GRM5: variants seen among roughly 807,000 people sequenced by gnomAD.
GRM5 encodes the protein glutamate metabotropic receptor 5.
A neutral mutation model predicts 83.1 loss-of-function variants in GRM5; 19 were observed. That is an observed-to-expected ratio of 0.23 (90% CI 0.16 to 0.34). The LOEUF is 0.34. Among genes scored for constraint, GRM5 ranks in the 10% least tolerant of loss-of-function variants. GRM5 has a pLI of 1.00. For synonymous variants in GRM5, 675 were observed against 633.6 expected, an observed-to-expected ratio of 1.07 and a Z score of -0.98; for missense variants, 1,160 against 1,588.3, an observed-to-expected ratio of 0.73 and a Z score of 4.58.
At chr11:88,955,584 T>A (rs533145837) in intron 2 of GRM5, among the ~76,000 whole-genome samples, 6 of 152,336 alleles carry the variant, frequency 3.9e-5, no homozygotes, top group Non-Finnish European at 8.8e-5. Flanking sequence ...ATGCTTTTTT[T>A]CTATCTAATT....
intron 3 of GRM5, among the ~76,000 whole-genome samples, chr11:88,698,091 T>A (rs1940943129): frequency 6.6e-6 from 1 of 152,214 alleles, no homozygotes; most frequent in Admixed American, 6.5e-5. Flanking sequence ...AGACTCGTCC[T>A]CTGCCAATCC....
At chr11:88,935,614 G>T (rs1362457100) in intron 2 of GRM5, among the ~76,000 whole-genome samples, 2 of 151,770 alleles carry the variant, frequency 1.3e-5, no homozygotes. Context: ...ATGGTCAAAA[G>T]TCCCTCACTA....
intron 3 of GRM5, among the ~76,000 whole-genome samples, chr11:88,756,245 G>C (rs1942391253): frequency 6.6e-6 from 1 of 152,138 alleles, no homozygotes; most frequent in Non-Finnish European, 1.5e-5. Context: ...ATAAATGGAA[G>C]AGATCATATA....
At chr11:88,721,533 G>GTGAC (rs1941540026) in intron 3 of GRM5, among the ~76,000 whole-genome samples, 1 of 152,074 alleles carries the variant, frequency 6.6e-6, no homozygotes, top group African/African-American at 2.4e-5. Context: ...TCTTTCATAA[G>GTGAC]TGACTTTAAT....
rs146266027 is a variant in GRM5, at chr11:88,782,039, A to C, written c.911+67867T>G. On this transcript the variant is annotated intron_variant, in intron 3 of 9. Coordinates refer to ENST00000305447, the MANE Select transcript of GRM5 (RefSeq NM_001143831.3). ...TGTGATTCATAAAATTATAATTTTT[A>C]TTATAATTTGGATTCTCTACAGACT... Among the ~76,000 whole-genome samples, 868 of 152,174 alleles carry C rather than the reference A, an allele frequency of 5.7e-3. 18 individuals are homozygous for C. The East Asian group carries it at 0.072, about 13-fold the overall frequency.
intron 4 of GRM5, among the ~76,000 whole-genome samples, chr11:88,637,783 G>A (rs1358377742): frequency 6.7e-6 from 1 of 148,806 alleles, no homozygotes; most frequent in East Asian, 2.0e-4. Flanking sequence ...AATACCATTT[G>A]ACCCAGCCAT....
intron 2 of GRM5, among the ~76,000 whole-genome samples, chr11:88,982,233 C>G (rs1465369921): frequency 6.6e-6 from 1 of 152,190 alleles, no homozygotes; most frequent in Non-Finnish European, 1.5e-5. Context: ...GAATTAAAAA[C>G]ATTCAATGTC....
At chr11:88,821,854 A>G (rs1402151887) in intron 3 of GRM5, among the ~76,000 whole-genome samples, 2 of 152,222 alleles carry the variant, frequency 1.3e-5, no homozygotes, top group Non-Finnish European at 2.9e-5. Context: ...TGTCCCTGTT[A>G]GATGAGAGAC....
At chr11:88,665,418 A>G (rs1432431718) in intron 3 of GRM5, among the ~76,000 whole-genome samples, 2 of 152,126 alleles carry the variant, frequency 1.3e-5, no homozygotes, top group South Asian at 4.1e-4. Context: ...ATTTCCATTC[A>G]CATTTCACTT....
chr11:88,841,623 C>T (rs12272296), intron 3 of GRM5, among the ~76,000 whole-genome samples: 3,871 of 152,200 alleles, frequency 0.025, 175 homozygotes, highest in African/African-American at 0.089. Context: ...GTTGGTCTTT[C>T]CTTATGCTGG....
intron 2 of GRM5, among the ~76,000 whole-genome samples, chr11:89,034,436 A>C (rs1305002752): frequency 1.3e-5 from 2 of 151,928 alleles, no homozygotes; most frequent in African/African-American, 4.8e-5. Flanking sequence ...CTTGCCATAT[A>C]GATAACTTTG....
At chr11:88,528,488 A>AT (rs905865230) in intron 8 of GRM5, among the ~76,000 whole-genome samples, 79 of 151,974 alleles carry the variant, frequency 5.2e-4, no homozygotes, top group African/African-American at 1.8e-3. Context: ...AAAACTCAAC[A>AT]TTTTTTTCCA....
intron 5 of GRM5, among the ~76,000 whole-genome samples, chr11:88,604,235 C>A (rs990202159): frequency 6.6e-6 from 1 of 152,002 alleles, no homozygotes; most frequent in Non-Finnish European, 1.5e-5. Flanking sequence ...AGAAAGTGAT[C>A]CAGCTGGAGA....
At chr11:88,640,634 C>T (rs540249099) in intron 4 of GRM5, among the ~76,000 whole-genome samples, 19 of 152,284 alleles carry the variant, frequency 1.2e-4, no homozygotes, top group East Asian at 5.8e-4. Context: ...TGTGACCAAC[C>T]GGCTTGAAGG....
intron 2 of GRM5, among the ~76,000 whole-genome samples, chr11:88,964,024 T>G (rs182404973): frequency 4.5e-4 from 68 of 152,252 alleles, no homozygotes; most frequent in Non-Finnish European, 8.4e-4. Flanking sequence ...GATTGGAGAC[T>G]CTACAGATCA....
intron 5 of GRM5, among the ~76,000 whole-genome samples, chr11:88,599,040 GACTGCTCCAAATCCTGGGT>G (rs1565354611): frequency 1.3e-5 from 2 of 152,122 alleles, no homozygotes; most frequent in Admixed American, 6.5e-5. Context: ...TTCCTTATTA[GACTGCTCCAAATCCTGGGT>G]ACTGCTCCAA....
chr11:88,570,571 A>ATATATATATATTTTTT (rs1405339448), intron 7 of GRM5, among the ~76,000 whole-genome samples: 1 of 46,376 alleles, frequency 2.2e-5, no homozygotes, highest in Non-Finnish European at 3.5e-5. Flanking sequence ...ATATATATAT[A>ATATATATATATTTTTT]TTTTTTTTTT....
intron 3 of GRM5, among the ~76,000 whole-genome samples, chr11:88,672,712 T>C (rs918255432): frequency 8.6e-5 from 13 of 152,002 alleles, no homozygotes; most frequent in Non-Finnish European, 1.8e-4. Flanking sequence ...AAATATAAAA[T>C]TCTAGGCCAT....
intron 3 of GRM5, among the ~76,000 whole-genome samples, chr11:88,812,069 T>C (rs987586536): frequency 6.6e-6 from 1 of 152,174 alleles, no homozygotes; most frequent in African/African-American, 2.4e-5. Flanking sequence ...TGAAGTTAAT[T>C]TCCCTTGCTT....
Sources: gnomAD v4.1 joint callset for allele counts (sites outside exome capture counted in the v4.1 genomes callset) on GRCh38, gnomAD v4.1.1 for gene constraint, MANE v1.5 for transcripts, NCBI Gene and HGNC (gene_info 2026-07-23, HGNC 2026-07-21) for gene names.